Variants in TGFBRAP1 observed in about 807,000 individuals in gnomAD.
The protein encoded by TGFBRAP1 is transforming growth factor beta receptor associated protein 1.
Under a neutral mutation model 83.2 loss-of-function variants are expected in TGFBRAP1, and 20 were observed. That is an observed-to-expected ratio of 0.24 (90% CI 0.17 to 0.35). The LOEUF (loss-of-function observed/expected upper bound fraction) is 0.35, where lower values mean the gene tolerates loss of function less well. Ranked by LOEUF, TGFBRAP1 falls within the 10% of genes least tolerant of loss-of-function variation. TGFBRAP1 has a pLI of 1.00. For missense variants in TGFBRAP1, 950 were observed against 1,099.4 expected (o/e 0.86, Z 1.92); for synonymous variants, 415 against 459.8 (o/e 0.90, Z 1.25).
intron 8 of TGFBRAP1, among the ~76,000 whole-genome samples, chr2:105,274,510 G>A (rs1677271243): frequency 6.6e-6 from 1 of 152,326 alleles, no homozygotes; most frequent in South Asian, 2.1e-4. Flanking sequence ...TGCCCACTGA[G>A]GGGCTGCTAT....
At chr2:105,291,827 G>T (rs904345409) in intron 4 of TGFBRAP1, among the ~76,000 whole-genome samples, 1 of 152,182 alleles carries the variant, frequency 6.6e-6, no homozygotes, top group Non-Finnish European at 1.5e-5. Flanking sequence ...GCTCCAGTTT[G>T]CCATGTGTGC....
intron 4 of TGFBRAP1, among the ~76,000 whole-genome samples, chr2:105,286,194 T>G (rs912958808): frequency 3.0e-4 from 46 of 152,170 alleles, no homozygotes; most frequent in African/African-American, 1.1e-3. Context: ...TATAATCTAG[T>G]CTGGGAATGC....
chr2:105,298,592 T>C lies in TGFBRAP1; in HGVS notation c.802A>G (p.Ile268Val). Residue 268 changes from isoleucine (I) to valine (V), a missense_variant, in exon 3 of 12, where the codon ATC (isoleucine) becomes GTC (valine). Transcript: ENST00000393359. ...TGATCCAACATGCTGTGGACTGTGA[T>C]GAATTCGTCATCGAGCGCTATGACG... ...PYVIALDDEF[I>V]TVHSMLDQQQ... 2 of 1,614,158 alleles carry C rather than the reference T, an allele frequency of 1.2e-6. No individual in the cohort carries two copies. The highest frequency in any genetic ancestry group is 1.1e-5 in the South Asian group (1 of 91,058).
At chr2:105,318,497 T>C (rs1312741828) in intron 1 of TGFBRAP1, among the ~76,000 whole-genome samples, 1 of 152,222 alleles carries the variant, frequency 6.6e-6, no homozygotes, top group Non-Finnish European at 1.5e-5. Context: ...AAAATTCTAC[T>C]CATTTCCCCA....
At chr2:105,272,428 A>G (rs1417178222) in intron 10 of TGFBRAP1, among the ~76,000 whole-genome samples, 1 of 152,184 alleles carries the variant, frequency 6.6e-6, no homozygotes, top group Non-Finnish European at 1.5e-5. Context: ...GAATAAAGAC[A>G]CTGTGTGTCA....
At chr2:105,320,547 C>T (rs1297043027) in intron 1 of TGFBRAP1, among the ~76,000 whole-genome samples, 1 of 152,118 alleles carries the variant, frequency 6.6e-6, no homozygotes. Context: ...AGGTCATTAT[C>T]CTCCTTATAA....
At chr2:105,251,305 C>T in the TGFBRAP1 span, among the ~76,000 whole-genome samples, 4 of 149,400 alleles carry the variant, frequency 2.7e-5, no homozygotes, top group African/African-American at 1.0e-4. Flanking sequence ...GCCTGGCTGC[C>T]CAGTCTGGAA....
rs1573534325 is a variant in TGFBRAP1 at position 105,267,282 on chromosome 2, C to G, written c.*101G>C. On this transcript the variant is annotated 3_prime_UTR_variant, in exon 12 of 12. Coordinates refer to ENST00000393359, the MANE Select transcript of TGFBRAP1 (RefSeq NM_004257.6). ...GGCTCCCTGGCACCCAGATGTCTCC[C>G]TTCGTCCTGGCTGACACAGAGCATG... is the stretch of plus-strand genomic sequence containing the variant. 2 of 1,487,964 alleles carry G rather than the reference C, an allele frequency of 1.3e-6. No individual in the cohort carries two copies. The allele number at this position is 1,487,964 out of a possible 1,614,324, so 92.2% of individuals were successfully genotyped here. A position where few individuals can be genotyped will look rare whatever the true frequency, so the allele number is the denominator to read the frequency against.
chr2:105,277,746 C>A (rs534932406), intron 6 of TGFBRAP1, 75 bp from the exon 7 acceptor site: 2 of 1,311,010 alleles, frequency 1.5e-6, no homozygotes, highest in South Asian at 2.4e-5. Flanking sequence ...AGTGACACCC[C>A]CAGTCCAAGC....
chr2:105,324,872 G>A (rs1679178801), intron 1 of TGFBRAP1: 1 of 152,260 alleles, frequency 6.6e-6, no homozygotes, highest in African/African-American at 2.4e-5. Context: ...CCCCGGCAGT[G>A]AACTGTGGTA....
At chr2:105,322,126 G>A (rs887001616) in intron 1 of TGFBRAP1, among the ~76,000 whole-genome samples, 3 of 151,968 alleles carry the variant, frequency 2.0e-5, no homozygotes, top group African/African-American at 7.3e-5. Context: ...CCCTGTGCAG[G>A]CCAAGGCTAA....
chr2:105,263,615 C>A (rs547910252), downstream of TGFBRAP1, among the ~76,000 whole-genome samples: 2 of 152,162 alleles, frequency 1.3e-5, no homozygotes, highest in East Asian at 3.9e-4. Flanking sequence ...TGGTGACTCA[C>A]GCCTGTAATC....
Position 105,279,804 on chromosome 2 carries a change from G to A in TGFBRAP1, c.1463+578C>T, listed in dbSNP as rs1010357342. On this transcript the variant is annotated intron_variant, in intron 6 of 11. Transcript: ENST00000393359. ...TGTAATCCCAGCACTTTGGGAGGCC[G>A]AGGCGAGCAGACCACCTGAGGTCAG... Among the ~76,000 whole-genome samples, 30 of 152,214 alleles carry A rather than the reference G, an allele frequency of 2.0e-4. 1 individual carries two copies. Among genetic ancestry groups the A allele is most frequent in the Admixed American group, 5.9e-4 (9 of 15,288 alleles).
intron 4 of TGFBRAP1, among the ~76,000 whole-genome samples, chr2:105,291,662 C>A (rs1677920260): frequency 6.6e-6 from 1 of 152,052 alleles, no homozygotes; most frequent in Admixed American, 6.5e-5. Context: ...GAGAAATAAG[C>A]CAGTCACAGA....
intron 4 of TGFBRAP1, among the ~76,000 whole-genome samples, chr2:105,286,261 C>CATGG (rs1677716740): frequency 6.6e-6 from 1 of 152,192 alleles, no homozygotes. Flanking sequence ...ATGTAAGCAT[C>CATGG]ATGGATGCTG....
chr2:105,259,702 G>A (rs1676745258), downstream of TGFBRAP1, among the ~76,000 whole-genome samples: 1 of 152,184 alleles, frequency 6.6e-6, no homozygotes, highest in African/African-American at 2.4e-5. Context: ...GACCTACAGG[G>A]CAGCAGCTGC....
intron 4 of TGFBRAP1, among the ~76,000 whole-genome samples, chr2:105,288,346 G>A (rs1677786349): frequency 6.6e-6 from 1 of 152,172 alleles, no homozygotes. Flanking sequence ...CCCTTCCTGA[G>A]CTCTCGGCTC....
At chr2:105,257,189 C>G in the TGFBRAP1 span, among the ~76,000 whole-genome samples, 6 of 152,172 alleles carry the variant, frequency 3.9e-5, no homozygotes, top group Non-Finnish European at 8.8e-5. Flanking sequence ...GTGCGAGATC[C>G]AAGAACCCTC....
At chr2:105,251,395 G>T in the TGFBRAP1 span, among the ~76,000 whole-genome samples, 1 of 149,900 alleles carries the variant, frequency 6.7e-6, no homozygotes, top group Admixed American at 6.6e-5. Context: ...TGTCTGAGAT[G>T]TGGGGAGCAC....
Sources: gnomAD v4.1 joint callset for allele counts (sites outside exome capture counted in the v4.1 genomes callset) on GRCh38, gnomAD v4.1.1 for gene constraint, MANE v1.5 for transcripts, NCBI Gene and HGNC (gene_info 2026-07-23, HGNC 2026-07-21) for gene names.